Variants in ARMC2 observed in about 807,000 individuals in gnomAD.
ARMC2 encodes armadillo repeat-containing protein 2.
A neutral mutation model predicts 90.3 loss-of-function variants in ARMC2; 67 were observed. That is an observed-to-expected ratio of 0.74 (90% CI 0.61 to 0.91). ARMC2 has a LOEUF of 0.91. Among genes scored for constraint, ARMC2 ranks in the 40% least tolerant of loss-of-function variants. The pLI is 0.00. For synonymous variants in ARMC2, 393 were observed against 393.0 expected (o/e 1.00, Z 0.00); for missense variants, 920 against 1,030.9 (o/e 0.89, Z 1.47).
chr6:109,014,703 A>C, the ARMC2 span, among the ~76,000 whole-genome samples: 1 of 152,080 alleles, frequency 6.6e-6, no homozygotes, highest in African/African-American at 2.4e-5. Context: ...TCTCTCCTCC[A>C]TATTTCTGTC....
chr6:108,879,124 C>T (rs1777228260), intron 5 of ARMC2, among the ~76,000 whole-genome samples: 1 of 151,508 alleles, frequency 6.6e-6, no homozygotes, highest in African/African-American at 2.4e-5. Flanking sequence ...ATCCATCCAT[C>T]CATCCATCCG....
intron 4 of ARMC2, among the ~76,000 whole-genome samples, chr6:108,871,057 G>T (rs1359242752): frequency 6.6e-6 from 1 of 152,164 alleles, no homozygotes. Context: ...TCATGAGAAG[G>T]AGGCAGCCAT....
At chr6:108,968,077 C>T (rs964913103) in intron 17 of ARMC2, among the ~76,000 whole-genome samples, 5 of 152,198 alleles carry the variant, frequency 3.3e-5, no homozygotes, top group African/African-American at 9.7e-5. Context: ...CCCTTTGCAA[C>T]TGAACCACCT....
rs116802493 is a variant in ARMC2, at chr6:108,849,707, T to G, written c.-44+1161T>G. Among the ~76,000 whole-genome samples the G allele has an allele frequency of 3.5e-3, 539 of 152,398 alleles. 2 individuals carry two copies. Among genetic ancestry groups the G allele is most frequent in the African/African-American group, 0.012 (504 of 41,598 alleles). On this transcript the variant is annotated intron_variant, in intron 1 of 17. Transcript: ENST00000392644. Reference sequence around the variant, plus strand: ...GGGCCATATTTTAAAATGTTAACATTTTTAAAGCACTGTGCTAACGCACTT... The same window carrying G: ...GGGCCATATTTTAAAATGTTAACATGTTTAAAGCACTGTGCTAACGCACTT...
chr6:109,019,005 C>G, the ARMC2 span, among the ~76,000 whole-genome samples: 1 of 152,046 alleles, frequency 6.6e-6, no homozygotes, highest in East Asian at 1.9e-4. Flanking sequence ...TTCAAATTTT[C>G]TGAAAATATA....
In ARMC2 at chr6:108,868,931, T is replaced by A. The variant is rs1157194523; in HGVS notation, c.399T>A (p.Ala133=). The A allele has an allele frequency of 6.2e-7, 1 of 1,613,966 alleles. No homozygotes were observed. Among genetic ancestry groups the A allele is most frequent in the Non-Finnish European group, 8.5e-7 (1 of 1,179,874 alleles). The change falls in exon 4 of 18, where the codon GCT becomes GCA. Residue 133 remains alanine, a synonymous_variant. Coordinates refer to ENST00000392644, the MANE Select transcript of ARMC2 (RefSeq NM_032131.6). ...AKIRRVSNAR[A]RLFRAASQRA... Reference sequence around the variant, plus strand: ...TTAGAAGAGTAAGCAACGCCAGGGCTCGCTTATTCAGGGCTGCCTCCCAGC... The same window carrying A: ...TTAGAAGAGTAAGCAACGCCAGGGCACGCTTATTCAGGGCTGCCTCCCAGC...
At chr6:108,904,452 CT>C in intron 8 of ARMC2, 47 bp downstream of exon 8, 1 of 1,475,552 alleles carries the variant, frequency 6.8e-7, no homozygotes, top group Non-Finnish European at 9.1e-7. Flanking sequence ...CACATAAAAG[CT>C]TTGTTTAATG....
chr6:108,973,597 A>C lies in ARMC2; in HGVS notation c.*83A>C. The C allele has an allele frequency of 1.5e-6, 2 of 1,342,280 alleles. No homozygotes were observed. Among genetic ancestry groups the C allele is most frequent in the Non-Finnish European group, 2.0e-6 (2 of 1,002,236 alleles). 83.1% of individuals were successfully genotyped at this position (1,342,280 alleles called of 1,614,324 possible). ...GGTAACAAACGTGAACATTTTTTTC[A>C]GCATTAACAAATGTGGAAAGTTTTT... is the stretch of plus-strand genomic sequence containing the variant. On this transcript the variant is annotated 3_prime_UTR_variant, in exon 18 of 18. Coordinates refer to ENST00000392644, the MANE Select transcript of ARMC2 (RefSeq NM_032131.6).
At chr6:109,039,046 G>A in the ARMC2 span, among the ~76,000 whole-genome samples, 274 of 149,004 alleles carry the variant, frequency 1.8e-3, no homozygotes, top group South Asian at 4.7e-3. Flanking sequence ...AGAAGAAGGA[G>A]GGAGAAGGAG....
chr6:109,036,711 G>C, the ARMC2 span, among the ~76,000 whole-genome samples: 1 of 152,128 alleles, frequency 6.6e-6, no homozygotes, highest in Non-Finnish European at 1.5e-5. Flanking sequence ...TTAAGCCTAA[G>C]CTAAATACCT....
At chr6:108,889,745 G>C (rs186320088) in intron 5 of ARMC2, among the ~76,000 whole-genome samples, 9 of 151,680 alleles carry the variant, frequency 5.9e-5, no homozygotes, top group Non-Finnish European at 1.2e-4. Flanking sequence ...CACCATGCCG[G>C]CCAACTTTTA....
chr6:108,983,488 A>G, the ARMC2 span, among the ~76,000 whole-genome samples: 1 of 152,092 alleles, frequency 6.6e-6, no homozygotes, highest in African/African-American at 2.4e-5. Flanking sequence ...TTTTCCTAGC[A>G]CCATTTGTTA....
intron 6 of ARMC2, among the ~76,000 whole-genome samples, chr6:108,895,584 A>G (rs1348514853): frequency 6.6e-6 from 1 of 152,196 alleles, no homozygotes; most frequent in Admixed American, 6.5e-5. Flanking sequence ...AAAATATATA[A>G]CAATATAAAC....
chr6:109,005,531 T>C, the ARMC2 span, among the ~76,000 whole-genome samples: 2 of 152,344 alleles, frequency 1.3e-5, no homozygotes, highest in African/African-American at 4.8e-5. Flanking sequence ...ACCAAATATA[T>C]AGTTTATATG....
intron 17 of ARMC2, among the ~76,000 whole-genome samples, chr6:108,972,508 A>G (rs1267808440): frequency 6.6e-6 from 1 of 152,242 alleles, no homozygotes; most frequent in Non-Finnish European, 1.5e-5. Flanking sequence ...GATTCCTTTT[A>G]TACCTAACCT....
At chr6:108,958,147 T>C (rs1212164555) in intron 13 of ARMC2, among the ~76,000 whole-genome samples, 1 of 152,090 alleles carries the variant, frequency 6.6e-6, no homozygotes, top group African/African-American at 2.4e-5. Context: ...GGCCATGATG[T>C]GGGGACCTCA....
chr6:108,928,747 T>G (rs1342653241), intron 11 of ARMC2, among the ~76,000 whole-genome samples: 1 of 152,194 alleles, frequency 6.6e-6, no homozygotes, highest in African/African-American at 2.4e-5. Flanking sequence ...GAATCCAGGT[T>G]GCCTCCAAGC....
At chr6:109,051,157 A>C in the ARMC2 span, among the ~76,000 whole-genome samples, 1 of 150,084 alleles carries the variant, frequency 6.7e-6, no homozygotes. Context: ...AAACAAAAAA[A>C]AACAACAAAA....
the ARMC2 span, chr6:108,992,722 T>G: frequency 6.4e-5 from 66 of 1,024,968 alleles, no homozygotes; most frequent in Admixed American, 1.7e-5. Flanking sequence ...TAAGTGGCTG[T>G]TTTGTATTTT....
Sources: gnomAD v4.1 joint callset for allele counts (sites outside exome capture counted in the v4.1 genomes callset) on GRCh38, gnomAD v4.1.1 for gene constraint, MANE v1.5 for transcripts, NCBI Gene and HGNC (gene_info 2026-07-23, HGNC 2026-07-21) for gene names.